CPT1C: variants seen among roughly 807,000 people sequenced by gnomAD.
CPT1C encodes carnitine palmitoyltransferase 1C, also known as palmitoyl thioesterase CPT1C.
CPT1C carries 61 observed loss-of-function variants against 97.3 expected under a neutral mutation model. That is an observed-to-expected ratio of 0.63 (90% confidence interval 0.51 to 0.78). The LOEUF (loss-of-function observed/expected upper bound fraction) is 0.78, where lower values mean the gene tolerates loss of function less well. Ranked by LOEUF, CPT1C falls within the 30% of genes least tolerant of loss-of-function variation. The pLI, the probability that CPT1C is intolerant of heterozygous loss-of-function variation, is 0.00. For missense variants in CPT1C, 975 were observed against 1,065.5 expected, an observed-to-expected ratio of 0.92 and a Z score of 1.18; for synonymous variants, 469 against 447.2, an observed-to-expected ratio of 1.05 and a Z score of -0.61.
intron 7 of CPT1C, among the ~76,000 whole-genome samples, chr19:49,701,897 T>TATAC (rs2083096342): frequency 8.7e-6 from 1 of 114,682 alleles, no homozygotes; most frequent in Non-Finnish European, 1.7e-5. Context: ...TATTTATTTA[T>TATAC]AAATATATAT....
intron 3 of CPT1C, among the ~76,000 whole-genome samples, chr19:49,695,010 A>G (rs931252707): frequency 6.6e-6 from 1 of 151,824 alleles, no homozygotes; most frequent in East Asian, 2.0e-4. Context: ...GCGTGGTGGC[A>G]GTCACCTGTA....
In CPT1C at chr19:49,695,764, G is replaced by T. The variant is rs1207948196; in HGVS notation, c.142-1562G>T. ...ACGCCAAGCTAATTTTGTATTTTTAGTAGAGACGGGGTTTCACCATGTTGG... is the reference window on the plus strand; with the variant it reads ...ACGCCAAGCTAATTTTGTATTTTTATTAGAGACGGGGTTTCACCATGTTGG... On this transcript the variant is annotated intron_variant, in intron 3 of 19. Coordinates refer to ENST00000598293, the MANE Select transcript of CPT1C (RefSeq NM_001199753.2). Among the ~76,000 whole-genome samples the T allele has an allele frequency of 2.0e-5, 3 of 151,926 alleles. No individual in the cohort carries two copies. The South Asian group carries it at 6.2e-4, about 31-fold the overall frequency.
intron 7 of CPT1C, among the ~76,000 whole-genome samples, chr19:49,702,335 A>G (rs1206060009): frequency 6.6e-6 from 1 of 150,998 alleles, no homozygotes; most frequent in African/African-American, 2.4e-5. Flanking sequence ...TCCAGGACTT[A>G]GCCCTGGTGC....
intron 5 of CPT1C, among the ~76,000 whole-genome samples, 155 bp from the exon 6 acceptor site, chr19:49,701,162 G>GGGTCTCTGTCCCCCTC (rs2083026964): frequency 2.0e-5 from 2 of 98,012 alleles, no homozygotes; most frequent in African/African-American, 3.9e-5. Context: ...TCTGTCCCCT[G>GGGTCTCTGTCCCCCTC]TCTCTGGGTC....
Position 49,706,392 on chromosome 19 carries a change from T to G in CPT1C, c.1322T>G (p.Leu441Arg). The stretch of plus-strand genomic sequence containing the variant: ...TTGGATGCCTACGCCCATGCTCTGC[T>G]GGCCGGCCGGGGCCATGATCGGTGA... ...ASLDAYAHALLAGRGHDRWFD... is the reference protein window; with the variant it reads ...ASLDAYAHALRAGRGHDRWFD... Residue 441 changes from leucine (L) to arginine (R), a missense_variant, in exon 12 of 20, where the codon CTG (leucine) becomes CGG (arginine). By Grantham distance (102) the Leu-to-Arg change is moderately radical (BLOSUM62 -2). Around this residue, in one of 3 missense-constraint regions of CPT1C, gnomAD observed 596 missense variants for 603.1 expected, o/e 0.99. Coordinates refer to ENST00000598293, the MANE Select transcript of CPT1C (RefSeq NM_001199753.2). The surrounding 1 kb of genome is among the most constrained non-coding windows in gnomAD (Gnocchi z 4.8). 1 of 1,497,944 alleles carries G rather than the reference T, an allele frequency of 6.7e-7. No individual in the cohort carries two copies. Among genetic ancestry groups the G allele is most frequent in the Non-Finnish European group, 8.8e-7 (1 of 1,131,280 alleles). The allele number at this position is 1,497,944 out of a possible 1,614,324, so 92.8% of individuals were successfully genotyped here. A position where few individuals can be genotyped will look rare whatever the true frequency, so the allele number is the denominator to read the frequency against.
At chr19:49,702,163 A>AATAAATATATTTATTTATAAATTATAG (rs2083205365) in intron 7 of CPT1C, among the ~76,000 whole-genome samples, 1 of 85,114 alleles carries the variant, frequency 1.2e-5, no homozygotes. Context: ...ATAAATTATA[A>AATAAATATATTTATTTATAAATTATAG]ATAAATATAT....
In CPT1C at chr19:49,700,855, G is replaced by A. The variant is rs764457557; in HGVS notation, c.453G>A (p.Leu151=). 7 of 1,611,524 alleles carry A rather than the reference G, an allele frequency of 4.3e-6. No individual in the cohort carries two copies. ...TGTCCTCCCCCACCAAGACCTGGCT[G>A]GTATGGGAGGGGCATAGCCCTGCTC... The part of the protein sequence containing the change: ...GAMSSPTKTW[L]ALVRIFSGRH... Residue 151 remains leucine (L), a splice_region_variant and synonymous_variant, in exon 5 of 20, where the codon CTG becomes CTA. Coordinates refer to ENST00000598293, the MANE Select transcript of CPT1C (RefSeq NM_001199753.2).
At position 49,712,441 on chromosome 19, in the gene CPT1C, G is replaced by C. The variant is rs1189388531; in HGVS notation, c.2020-295G>C. ...CAAGGCAGAAGGCGGAGAGGCAACG[G>C]GACAACGGGAGCAGACAAAAGGGGA... On this transcript the variant is annotated intron_variant, in intron 17 of 19. Transcript: ENST00000598293. 9 of 435,496 alleles carry C rather than the reference G, an allele frequency of 2.1e-5. No homozygotes were observed. The East Asian group carries it at 4.1e-4, about 20-fold the overall frequency. The allele number at this position is 435,496 out of a possible 1,614,324, so 27.0% of individuals were successfully genotyped here.
Position 49,706,304 on chromosome 19 carries a change from GCTTT to G in CPT1C, c.1239_1242del (p.Phe413LeufsTer43). The G allele has an allele frequency of 6.5e-7, 1 of 1,531,486 alleles. No individual in the cohort carries two copies. Among genetic ancestry groups the G allele is most frequent in the Non-Finnish European group, 8.7e-7 (1 of 1,143,154 alleles). 94.9% of individuals were successfully genotyped at this position (1,531,486 alleles called of 1,614,324 possible). On this transcript the variant is annotated frameshift_variant, in exon 12 of 20. Coordinates refer to ENST00000598293, the MANE Select transcript of CPT1C (RefSeq NM_001199753.2). LOFTEE classifies it high-confidence loss of function. This position sits in a 1 kb window ranked among gnomAD's most constrained non-coding sequence, Gnocchi z 4.8. ...GGCCCTGGAGGCGGTGGAAGGGGCC[GCTTT>G]CTTTGTGTCACTGGATGCTGAGCCC...
At position 49,701,550 on chromosome 19, in the gene CPT1C, G is replaced by T; in HGVS notation, c.609G>T (p.Ala203=). The part of the protein sequence containing the change: ...ILSDEDFDWT[A]VLAQEFLRLQ... ...CCGACGAGGACTTCGACTGGACCGC[G>T]GTCCTGGCGCAGGAATTCCTGAGGC... is the stretch of plus-strand genomic sequence containing the variant. The change falls in exon 7 of 20, where the codon GCG becomes GCT. Residue 203 remains alanine (A), a synonymous_variant. Coordinates refer to ENST00000598293, the MANE Select transcript of CPT1C (RefSeq NM_001199753.2). 6.2e-7 allele frequency: 1 copy of T among 1,612,146 alleles called. No individual in the cohort carries two copies. Among genetic ancestry groups the T allele is most frequent in the Non-Finnish European group, 8.5e-7 (1 of 1,178,978 alleles).
chr19:49,701,875 TATAA>T (rs1394707140), intron 7 of CPT1C, among the ~76,000 whole-genome samples: 3 of 112,612 alleles, frequency 2.7e-5, no homozygotes, highest in African/African-American at 1.0e-4. Context: ...ATAGTGTATA[TATAA>T]ATATATATAT....
In CPT1C at chr19:49,706,534, G is replaced by A; in HGVS notation, c.1343+121G>A. 1 of 887,342 alleles carries A rather than the reference G, an allele frequency of 1.1e-6. No individual in the cohort carries two copies. Among genetic ancestry groups the A allele is most frequent in the Non-Finnish European group, 1.5e-6 (1 of 650,590 alleles). 55.0% of individuals were successfully genotyped at this position (887,342 alleles called of 1,614,324 possible). On this transcript the variant is annotated intron_variant, in intron 12 of 19. Coordinates refer to ENST00000598293, the MANE Select transcript of CPT1C (RefSeq NM_001199753.2). The surrounding 1 kb of genome is among the most constrained non-coding windows in gnomAD (Gnocchi z 4.8). ...CCACACCTGCAGAGTCTGTAGACCA[G>A]GGGCTGCATAGAGCTGAGGACCCCA...
chr19:49,691,364 C>T (rs929030877), intron 1 of CPT1C, 24 bp downstream of exon 1: 1 of 148,832 alleles, frequency 6.7e-6, no homozygotes, highest in Non-Finnish European at 1.5e-5. Flanking sequence ...CCCAGGGGCT[C>T]GGGCTCCGGC....
chr19:49,697,236 C>T (rs750502801), intron 3 of CPT1C, 90 bp from the exon 4 acceptor site: 2 of 1,550,614 alleles, frequency 1.3e-6, no homozygotes, highest in Non-Finnish European at 1.8e-6. Context: ...GGGCTCCGCA[C>T]TGGGTGCTCA....
Position 49,706,425 on chromosome 19 carries a change from T to C in CPT1C, c.1343+12T>C. The C allele has an allele frequency of 1.4e-6, 2 of 1,459,698 alleles. No individual in the cohort carries two copies. The highest frequency in any genetic ancestry group is 1.4e-5 in the South Asian group (1 of 70,570). 90.4% of individuals were successfully genotyped at this position (1,459,698 alleles called of 1,614,324 possible). ...CGGGGCCATGATCGGTGAGTGAGTC[T>C]TGGGATGGGGCCCCCAGATGTGGCA... is the stretch of plus-strand genomic sequence containing the variant. On this transcript the variant is annotated intron_variant, in intron 12 of 19. Transcript: ENST00000598293. This position sits in a 1 kb window ranked among gnomAD's most constrained non-coding sequence, Gnocchi z 4.8.
At chr19:49,704,645 G>T in intron 7 of CPT1C, 65 bp from the exon 8 acceptor site, 2 of 1,304,396 alleles carry the variant, frequency 1.5e-6, no homozygotes, top group South Asian at 2.5e-5. Context: ...GGCCTTCCCT[G>T]TCCTACTGTC....
chr19:49,704,186 G>T (rs1015024362), intron 7 of CPT1C, among the ~76,000 whole-genome samples: 6 of 151,570 alleles, frequency 4.0e-5, no homozygotes, highest in South Asian at 2.1e-4. Context: ...TTCTTTTTTG[G>T]GGGGGACGGA....
At chr19:49,692,098 G>A in intron 2 of CPT1C, 141 bp from the exon 3 acceptor site, 1 of 751,116 alleles carries the variant, frequency 1.3e-6, no homozygotes, top group Non-Finnish European at 2.1e-6. Context: ...GGGGCTGGGG[G>A]CCTGGACTCC....
chr19:49,702,653 A>G, intron 7 of CPT1C, among the ~76,000 whole-genome samples: 1 of 151,652 alleles, frequency 6.6e-6, no homozygotes, highest in East Asian at 1.9e-4. Flanking sequence ...AAAAAAAGAC[A>G]AAACCAAAGG....
Sources: gnomAD v4.1 joint callset for allele counts (sites outside exome capture counted in the v4.1 genomes callset) on GRCh38, gnomAD v4.1.1 for gene constraint, gnomAD v4.1.1 regional missense constraint, Gnocchi (gnomAD v3.1) non-coding constraint, MANE v1.5 for transcripts, NCBI Gene and HGNC (gene_info 2026-07-23, HGNC 2026-07-21) for gene names.